The following ST6GALNAC5 variants were observed in gnomAD, a reference collection of about 807,000 sequenced individuals.
The protein encoded by ST6GALNAC5 is alpha-N-acetylgalactosaminide alpha-2,6-sialyltransferase 5.
ST6GALNAC5 carries 27 observed loss-of-function variants against 33.6 expected under a neutral mutation model. The observed-to-expected ratio is 0.80, with a 90% CI of 0.59 to 1.11. The LOEUF (loss-of-function observed/expected upper bound fraction) is 1.11. Among genes scored for constraint, ST6GALNAC5 ranks in the 50% least tolerant of loss-of-function variants. ST6GALNAC5 has a pLI of 0.00. For missense variants in ST6GALNAC5, 428 were observed against 454.0 expected (o/e 0.94, Z 0.52); for synonymous variants, 194 against 171.2 (o/e 1.13, Z -1.04).
At chr1:76,946,276 A>G (rs949652343) in intron 2 of ST6GALNAC5, among the ~76,000 whole-genome samples, 1 of 152,118 alleles carries the variant, frequency 6.6e-6, no homozygotes, top group African/African-American at 2.4e-5. Context: ...CTCGTTCCCA[A>G]GACAGCTCAC....
In ST6GALNAC5 at chr1:77,050,382, A is replaced by C; in HGVS notation, c.779+17A>C. The C allele has an allele frequency of 6.2e-7, 1 of 1,601,964 alleles. No individual in the cohort carries two copies. The highest frequency in any genetic ancestry group is 1.7e-5 in the Admixed American group (1 of 60,004). ...CTTCTGCAGGTAGGATTTATTCTGC[A>C]AGTGTAAATCATCAGCCGTGTTGTG... On this transcript the variant is annotated intron_variant, in intron 4 of 4. Transcript: ENST00000477717.
intron 2 of ST6GALNAC5, among the ~76,000 whole-genome samples, chr1:77,012,445 G>A (rs533080111): frequency 2.0e-5 from 3 of 152,280 alleles, no homozygotes; most frequent in African/African-American, 7.2e-5. Flanking sequence ...ACCTGGGAGT[G>A]GGAGGAAGTC....
At chr1:76,869,488 T>C (rs1653447319) in intron 2 of ST6GALNAC5, among the ~76,000 whole-genome samples, 1 of 152,234 alleles carries the variant, frequency 6.6e-6, no homozygotes, top group East Asian at 1.9e-4. Context: ...ATTCTGAAGA[T>C]ATTTTAATAC....
chr1:76,997,564 A>G (rs761953087), intron 2 of ST6GALNAC5, among the ~76,000 whole-genome samples: 1 of 152,194 alleles, frequency 6.6e-6, no homozygotes, highest in Non-Finnish European at 1.5e-5. Context: ...AGGCAACCAA[A>G]TTACTACTCT....
At chr1:76,871,305 C>A (rs190414755) in intron 2 of ST6GALNAC5, 10 of 152,120 alleles carry the variant, frequency 6.6e-5, no homozygotes, top group Admixed American at 6.5e-4. Flanking sequence ...GATGTGATGA[C>A]CACCAAGCCA....
chr1:77,001,880 G>C (rs1256873389), intron 2 of ST6GALNAC5, among the ~76,000 whole-genome samples: 1 of 151,848 alleles, frequency 6.6e-6, no homozygotes, highest in African/African-American at 2.4e-5. Flanking sequence ...TGTGCTGCTG[G>C]ATTCGTTTTG....
chr1:76,965,380 T>C (rs1024169017), intron 2 of ST6GALNAC5, among the ~76,000 whole-genome samples: 8 of 152,226 alleles, frequency 5.3e-5, no homozygotes, highest in African/African-American at 1.7e-4. Flanking sequence ...GAGCATTTTT[T>C]CATGTGTCTG....
At chr1:76,900,161 G>A (rs760811787) in intron 2 of ST6GALNAC5, among the ~76,000 whole-genome samples, 1 of 152,160 alleles carries the variant, frequency 6.6e-6, no homozygotes, top group Non-Finnish European at 1.5e-5. Flanking sequence ...GTTGTTCTCT[G>A]GTGGGCAGAG....
intron 2 of ST6GALNAC5, among the ~76,000 whole-genome samples, chr1:76,894,023 G>A (rs1307547390): frequency 6.6e-6 from 1 of 152,142 alleles, no homozygotes; most frequent in African/African-American, 2.4e-5. Flanking sequence ...GCACACAAAT[G>A]TAAACATTTT....
At chr1:76,990,180 C>T (rs770380992) in intron 2 of ST6GALNAC5, among the ~76,000 whole-genome samples, 2 of 152,130 alleles carry the variant, frequency 1.3e-5, no homozygotes, top group Non-Finnish European at 2.9e-5. Flanking sequence ...CATGAGTATA[C>T]ACTGGGAGTT....
intron 2 of ST6GALNAC5, among the ~76,000 whole-genome samples, chr1:76,933,323 G>A (rs114986130): frequency 0.013 from 2,017 of 152,084 alleles, 48 homozygotes; most frequent in African/African-American, 0.045. Flanking sequence ...CCTGCTATCT[G>A]CCTGGTGCTA....
intron 2 of ST6GALNAC5, among the ~76,000 whole-genome samples, chr1:77,000,264 TG>T (rs1223439022): frequency 8.5e-6 from 1 of 118,062 alleles, no homozygotes; most frequent in Admixed American, 8.8e-5. Flanking sequence ...TTTTTTCATG[TG>T]TTTTTTGGCT....
At chr1:77,061,442 T>C (rs568965404) in intron 4 of ST6GALNAC5, among the ~76,000 whole-genome samples, 1 of 152,186 alleles carries the variant, frequency 6.6e-6, no homozygotes, top group African/African-American at 2.4e-5. Context: ...AGAAAACGAA[T>C]AGGTGTCTGG....
chr1:76,977,540 A>G (rs543188570), intron 2 of ST6GALNAC5, among the ~76,000 whole-genome samples: 1 of 152,240 alleles, frequency 6.6e-6, no homozygotes, highest in South Asian at 2.1e-4. Context: ...ACTTTTTTAG[A>G]GTACACAAAT....
intron 2 of ST6GALNAC5, among the ~76,000 whole-genome samples, chr1:76,974,189 G>A (rs2100369399): frequency 7.0e-6 from 1 of 142,202 alleles, no homozygotes; most frequent in East Asian, 2.1e-4. Flanking sequence ...ATTTGTTGAA[G>A]TATTCTTTTG....
intron 2 of ST6GALNAC5, among the ~76,000 whole-genome samples, chr1:76,965,365 A>T (rs1265056379): frequency 2.0e-5 from 3 of 152,198 alleles, no homozygotes; most frequent in African/African-American, 7.2e-5. Context: ...ATGACCAGTG[A>T]TGATGAGCAT....
intron 2 of ST6GALNAC5, among the ~76,000 whole-genome samples, chr1:76,896,496 C>T (rs1046593012): frequency 6.2e-4 from 95 of 152,078 alleles, no homozygotes; most frequent in Admixed American, 2.9e-3. Context: ...CATAGCCTGC[C>T]TTTGGTGGTG....
At chr1:76,956,453 C>A (rs1463600862) in intron 2 of ST6GALNAC5, among the ~76,000 whole-genome samples, 1 of 152,164 alleles carries the variant, frequency 6.6e-6, no homozygotes. Context: ...GTAAGACTGG[C>A]TCCAGAGTCC....
chr1:76,962,279 C>T (rs553309514), intron 2 of ST6GALNAC5, among the ~76,000 whole-genome samples: 3 of 152,210 alleles, frequency 2.0e-5, no homozygotes, highest in South Asian at 2.1e-4. Flanking sequence ...CTAGTCATAT[C>T]GCTGCCATAA....
Sources: gnomAD v4.1 joint callset for allele counts (sites outside exome capture counted in the v4.1 genomes callset) on GRCh38, gnomAD v4.1.1 for gene constraint, MANE v1.5 for transcripts, NCBI Gene and HGNC (gene_info 2026-07-23, HGNC 2026-07-21) for gene names.